Variants in TMEM230 observed in about 807,000 individuals in gnomAD.
TMEM230 encodes the protein transmembrane protein 230.
Under a neutral mutation model 15.8 loss-of-function variants are expected in TMEM230, and 10 were observed. The observed-to-expected ratio is 0.63, with a 90% CI of 0.39 to 1.07. The LOEUF is 1.07. Among genes scored for constraint, TMEM230 ranks in the 50% least tolerant of loss-of-function variants. The pLI is 0.01. For missense variants in TMEM230, 165 were observed against 193.3 expected, an observed-to-expected ratio of 0.85 and a Z score of 0.87; for synonymous variants, 67 against 76.9, an observed-to-expected ratio of 0.87 and a Z score of 0.68.
chr20:5,092,667 A>G (rs2089544673), intron 3 of TMEM230, among the ~76,000 whole-genome samples: 1 of 150,958 alleles, frequency 6.6e-6, no homozygotes, highest in African/African-American at 2.4e-5. Flanking sequence ...GTGAGCTGAG[A>G]TCGCACCATT....
chr20:5,062,215 T>C, the TMEM230 span, among the ~76,000 whole-genome samples: 1 of 144,220 alleles, frequency 6.9e-6, no homozygotes, highest in African/African-American at 2.6e-5. Context: ...AAAGTGAAAC[T>C]CCGTCTCAAA....
intron 4 of TMEM230, among the ~76,000 whole-genome samples, chr20:5,102,952 CAG>C (rs1175864079): frequency 6.6e-6 from 1 of 152,154 alleles, no homozygotes; most frequent in African/African-American, 2.4e-5. Flanking sequence ...GGATTTATCC[CAG>C]AGAGGCAAGG....
At chr20:5,093,170 G>C (rs2089557879) in intron 3 of TMEM230, among the ~76,000 whole-genome samples, 1 of 152,062 alleles carries the variant, frequency 6.6e-6, no homozygotes, top group South Asian at 2.1e-4. Flanking sequence ...ATAAAAATCA[G>C]TAGTGTTTCT....
chr20:5,074,665 A>T (rs1381154468), intron 3 of TMEM230, among the ~76,000 whole-genome samples: 1 of 151,138 alleles, frequency 6.6e-6, no homozygotes, highest in Non-Finnish European at 1.5e-5. Flanking sequence ...GAGACCGGGC[A>T]TGGTGGTACA....
chr20:5,075,825 G>T (rs1267810237), intron 3 of TMEM230, among the ~76,000 whole-genome samples: 1 of 151,844 alleles, frequency 6.6e-6, no homozygotes, highest in Admixed American at 6.6e-5. Flanking sequence ...TGCTGTCAAG[G>T]TTTCTAACAA....
At chr20:5,075,357 G>A (rs1014389105) in intron 3 of TMEM230, among the ~76,000 whole-genome samples, 3 of 151,606 alleles carry the variant, frequency 2.0e-5, no homozygotes, top group Non-Finnish European at 4.4e-5. Context: ...AAGCCACCGC[G>A]CCCGGCCTAA....
intron 3 of TMEM230, among the ~76,000 whole-genome samples, chr20:5,088,701 A>G (rs560074452): frequency 6.6e-6 from 1 of 151,972 alleles, no homozygotes; most frequent in South Asian, 2.1e-4. Flanking sequence ...TTTTTTGTAG[A>G]TGGGGTCTCA....
intron 3 of TMEM230, among the ~76,000 whole-genome samples, chr20:5,078,151 G>A (rs1259521200): frequency 6.6e-6 from 1 of 152,182 alleles, no homozygotes; most frequent in East Asian, 1.9e-4. Context: ...GATGCTTCAT[G>A]ATTTCCTGGG....
In TMEM230 at chr20:5,113,059, G is replaced by A. The variant is rs749869533; in HGVS notation, c.-31C>T. 7.8e-6 allele frequency: 12 copies of A among 1,541,218 alleles called. No homozygotes were observed. The highest frequency in any genetic ancestry group is 4.1e-5 in the African/African-American group (3 of 72,978). On this transcript the variant is annotated 5_prime_UTR_variant, in exon 1 of 5. Transcript: ENST00000342308. ...GGCCCGCTTAAGTGCCACTCAGCCG[G>A]CCCCAGGCGGGATCAGTGCGCCGGA...
At chr20:5,106,477 C>A (rs2090099135) in intron 3 of TMEM230, among the ~76,000 whole-genome samples, 167 bp from the exon 3 acceptor site, 2 of 152,116 alleles carry the variant, frequency 1.3e-5, no homozygotes, top group African/African-American at 4.8e-5. Flanking sequence ...GATCTTGGCT[C>A]ACTGCAACCT....
intron 3 of TMEM230, among the ~76,000 whole-genome samples, chr20:5,070,869 C>A (rs1009957958): frequency 6.6e-6 from 1 of 152,124 alleles, no homozygotes; most frequent in South Asian, 2.1e-4. Flanking sequence ...TGCACTCAAG[C>A]GATCCTCTCA....
chr20:5,086,538 CAAAAAAAAAAAA>C (rs542162305), intron 3 of TMEM230, among the ~76,000 whole-genome samples: 4 of 89,042 alleles, frequency 4.5e-5, no homozygotes, highest in Non-Finnish European at 6.6e-5. Flanking sequence ...GACTCTGTCT[CAAAAAAAAAAAA>C]AAAAAAAAGA....
At chr20:5,089,107 G>A (rs1356151378) in intron 3 of TMEM230, among the ~76,000 whole-genome samples, 5 of 152,198 alleles carry the variant, frequency 3.3e-5, no homozygotes, top group African/African-American at 1.2e-4. Context: ...GGGTGTGGTG[G>A]CTCACGCCTG....
Position 5,106,319 on chromosome 20 carries a change from G to C in TMEM230, c.289-9C>G. The C allele has an allele frequency of 6.3e-7, 1 of 1,590,228 alleles. No homozygotes were observed. Among genetic ancestry groups the C allele is most frequent in the Non-Finnish European group, 8.5e-7 (1 of 1,172,342 alleles). ...GGAGGGGTTTTCTTAAACTGGAAGA[G>C]AAATAGAGATGAAAAAGACAACGAA... On this transcript the variant is annotated splice_polypyrimidine_tract_variant and intron_variant, in intron 3 of 4. Coordinates refer to ENST00000342308, the MANE Select transcript of TMEM230 (RefSeq NM_001009923.2).
chr20:5,072,520 T>C, intron 3 of TMEM230, among the ~76,000 whole-genome samples: 1 of 151,706 alleles, frequency 6.6e-6, no homozygotes, highest in East Asian at 1.9e-4. Flanking sequence ...TTTTTGGCCG[T>C]GAGACTATAA....
the TMEM230 span, among the ~76,000 whole-genome samples, chr20:5,061,925 A>G: frequency 6.6e-6 from 1 of 152,174 alleles, no homozygotes; most frequent in African/African-American, 2.4e-5. Context: ...CTCCTCTTAG[A>G]AAGTCCATTT....
chr20:5,095,285 C>T (rs1395856413), downstream of TMEM230, among the ~76,000 whole-genome samples: 5 of 152,144 alleles, frequency 3.3e-5, no homozygotes, highest in East Asian at 9.6e-4. Flanking sequence ...ACTCCTGAGG[C>T]ACCAGGCCTG....
At chr20:5,070,149 TCTCAG>T (rs2088775783) in intron 3 of TMEM230, among the ~76,000 whole-genome samples, 1 of 152,068 alleles carries the variant, frequency 6.6e-6, no homozygotes, top group Non-Finnish European at 1.5e-5. Context: ...AGACACTCCT[TCTCAG>T]ACCCCAGCCC....
chr20:5,073,414 A>G (rs781315018), intron 3 of TMEM230, among the ~76,000 whole-genome samples: 1 of 152,216 alleles, frequency 6.6e-6, no homozygotes, highest in Admixed American at 6.5e-5. Flanking sequence ...GGTGGCTCAC[A>G]CTGAGGGAAC....
Sources: gnomAD v4.1 joint callset for allele counts (sites outside exome capture counted in the v4.1 genomes callset) on GRCh38, gnomAD v4.1.1 for gene constraint, MANE v1.5 for transcripts, NCBI Gene and HGNC (gene_info 2026-07-23, HGNC 2026-07-21) for gene names.